Variants in GATAD2A observed in about 807,000 individuals in gnomAD.
GATAD2A encodes GATA zinc finger domain containing 2A.
GATAD2A carries 12 observed loss-of-function variants against 68.5 expected under a neutral mutation model. The ratio of observed to expected loss-of-function variants is 0.18; its 90% CI spans 0.11 to 0.28. The LOEUF is 0.28. GATAD2A is among the 10% of genes least tolerant of loss of function. GATAD2A has a pLI of 1.00. For missense variants in GATAD2A, 755 were observed against 868.5 expected (o/e 0.87, Z 1.64); for synonymous variants, 410 against 375.3 (o/e 1.09, Z -1.07).
intron 2 of GATAD2A, among the ~76,000 whole-genome samples, chr19:19,469,575 A>G (rs1360017849): frequency 4.6e-5 from 7 of 152,196 alleles, no homozygotes; most frequent in Non-Finnish European, 1.0e-4. Context: ...ATGTCAATCC[A>G]GCCATGTCAA....
chr19:19,393,278 G>T (rs186981444), intron 1 of GATAD2A, among the ~76,000 whole-genome samples: 279 of 152,158 alleles, frequency 1.8e-3, no homozygotes, highest in Middle Eastern at 0.014. Context: ...CTGCACTCCA[G>T]CCTGAGTGAC....
chr19:19,393,828 C>A (rs1437583095), intron 1 of GATAD2A, among the ~76,000 whole-genome samples: 3 of 151,584 alleles, frequency 2.0e-5, no homozygotes, highest in Admixed American at 2.0e-4. Flanking sequence ...TGGCTGTAAT[C>A]TTGGAGAAAC....
At chr19:19,452,256 A>G (rs1396090294) in intron 1 of GATAD2A, among the ~76,000 whole-genome samples, 1 of 151,932 alleles carries the variant, frequency 6.6e-6, no homozygotes. Flanking sequence ...TCCCCTTCCC[A>G]GTCTTCTTGT....
At chr19:19,450,373 G>A (rs925943863) in intron 1 of GATAD2A, among the ~76,000 whole-genome samples, 2 of 152,170 alleles carry the variant, frequency 1.3e-5, no homozygotes, top group African/African-American at 4.8e-5. Context: ...TGTAAATAGC[G>A]TCTTCCTGGA....
chr19:19,504,038 G>A (rs773673796), intron 11 of GATAD2A, among the ~76,000 whole-genome samples: 4 of 152,140 alleles, frequency 2.6e-5, no homozygotes, highest in Non-Finnish European at 5.9e-5. Flanking sequence ...GAGACCTTGT[G>A]TCTACAAAAA....
At chr19:19,498,862 C>G in intron 8 of GATAD2A, 140 bp downstream of exon 8, 1 of 675,004 alleles carries the variant, frequency 1.5e-6, no homozygotes, top group Non-Finnish European at 2.5e-6. Flanking sequence ...GGCAGGGACA[C>G]CGTCAGTGCC....
At chr19:19,436,045 G>A in intron 1 of GATAD2A, 1 of 609,426 alleles carries the variant, frequency 1.6e-6, no homozygotes, top group Non-Finnish European at 2.7e-6. Context: ...TGTAATTCCA[G>A]GGGTTAGAGA....
intron 1 of GATAD2A, among the ~76,000 whole-genome samples, chr19:19,395,789 G>A (rs909132607): frequency 1.3e-5 from 2 of 152,162 alleles, no homozygotes; most frequent in Non-Finnish European, 2.9e-5. Context: ...TAAAAGTACG[G>A]TGGGAGTCCC....
chr19:19,481,335 C>G (rs1233771143), intron 2 of GATAD2A, among the ~76,000 whole-genome samples: 3 of 152,162 alleles, frequency 2.0e-5, no homozygotes, highest in African/African-American at 4.8e-5. Context: ...AGGTTTGTTT[C>G]TTTCCTTTTT....
At position 19,405,866 on chromosome 19, in the gene GATAD2A, G is replaced by C. The variant is rs1388740237; in HGVS notation, c.-160G>C. 1 of 146,182 alleles carries C rather than the reference G, an allele frequency of 6.8e-6. No individual in the cohort carries two copies. Among genetic ancestry groups the C allele is most frequent in the African/African-American group, 2.5e-5 (1 of 40,784 alleles). 9.1% of individuals were successfully genotyped at this position (146,182 alleles called of 1,614,324 possible). A position where few individuals can be genotyped will look rare whatever the true frequency, so the allele number is the denominator to read the frequency against. ...GCGGGCGGGCGGGCGGACCGGCGCA[G>C]CGAGCGCCGCGGGCCCGGGCGGCCC... On this transcript the variant is annotated 5_prime_UTR_variant, in exon 1 of 12. Transcript: ENST00000683918.
intron 1 of GATAD2A, among the ~76,000 whole-genome samples, chr19:19,416,030 A>G (rs561167934): frequency 2.0e-5 from 3 of 152,088 alleles, no homozygotes; most frequent in African/African-American, 7.2e-5. Flanking sequence ...CATGATCACA[A>G]TCACTATAGC....
At chr19:19,438,104 C>T (rs891097114) in intron 1 of GATAD2A, among the ~76,000 whole-genome samples, 4 of 152,348 alleles carry the variant, frequency 2.6e-5, no homozygotes, top group African/African-American at 7.2e-5. Context: ...TGCCAGTTTC[C>T]TACAGAGAGT....
chr19:19,456,526 A>G (rs1230584369), intron 1 of GATAD2A, among the ~76,000 whole-genome samples: 1 of 152,166 alleles, frequency 6.6e-6, no homozygotes. Flanking sequence ...TACGTCATAG[A>G]TGAAGTTTTG....
rs776709291 is a variant in GATAD2A at position 19,494,339 on chromosome 19, G to T, written c.580G>T (p.Val194Phe). The change falls in exon 5 of 12, where the codon GTT (valine) becomes TTT (phenylalanine). Residue 194 changes from valine to phenylalanine, a missense_variant. Transcript: ENST00000683918. ...GSTVTTPPPLVRGTQNIPAGK... is the reference protein window; with the variant it reads ...GSTVTTPPPLFRGTQNIPAGK... The stretch of plus-strand genomic sequence containing the variant: ...CACCGTGACCACCCCTCCCCCGCTT[G>T]TTCGGGGCACTCAGAACATTCCTGC... The T allele has an allele frequency of 1.2e-6, 2 of 1,613,154 alleles. No homozygotes were observed. Among genetic ancestry groups the T allele is most frequent in the Non-Finnish European group, 8.5e-7 (1 of 1,179,180 alleles).
chr19:19,400,116 A>G (rs1419898614), intron 1 of GATAD2A, among the ~76,000 whole-genome samples: 2 of 152,058 alleles, frequency 1.3e-5, no homozygotes, highest in Non-Finnish European at 2.9e-5. Flanking sequence ...CACAAAAGAG[A>G]TATTCCTTGC....
chr19:19,475,820 G>A (rs543415006), intron 2 of GATAD2A, among the ~76,000 whole-genome samples: 105 of 151,970 alleles, frequency 6.9e-4, no homozygotes, highest in Non-Finnish European at 1.2e-3. Context: ...CCTTTATCTG[G>A]GACTCTAATC....
In GATAD2A at chr19:19,430,999, G is replaced by GTGTC. The variant is rs1555699905; in HGVS notation, c.-7+24983_-7+24984insCTGT. 2.0e-3 allele frequency among the ~76,000 whole-genome samples: 306 copies of GTGTC among 151,492 alleles called. 2 individuals carry two copies. Among genetic ancestry groups the GTGTC allele is most frequent in the South Asian group, 0.015 (73 of 4,796 alleles). The stretch of plus-strand genomic sequence containing the variant: ...GGGGTGTGTGTGTGTGTGTGTGTGT[G>GTGTC]TGTGTGTGTGTGTGTGTGTAGTACC... On this transcript the variant is annotated intron_variant, in intron 1 of 11. Coordinates refer to ENST00000683918, the MANE Select transcript of GATAD2A (RefSeq NM_001384528.1).
At chr19:19,448,259 A>T (rs1454781208) in intron 1 of GATAD2A, among the ~76,000 whole-genome samples, 1 of 152,060 alleles carries the variant, frequency 6.6e-6, no homozygotes, top group Non-Finnish European at 1.5e-5. Flanking sequence ...CACAGGCGGC[A>T]CCTTTGTTTC....
upstream of GATAD2A, among the ~76,000 whole-genome samples, chr19:19,403,785 G>T (rs2049963548): frequency 6.6e-6 from 1 of 152,214 alleles, no homozygotes; most frequent in African/African-American, 2.4e-5. Context: ...AATGATCGTA[G>T]CATGAAGCAG....
Sources: allele counts gnomAD v4.1 joint callset (sites outside exome capture counted in the v4.1 genomes callset), GRCh38; gene constraint gnomAD v4.1.1; transcripts MANE v1.5; gene names NCBI Gene and HGNC (gene_info 2026-07-23, HGNC 2026-07-21).